The following CDK14 variants were observed in gnomAD, a reference collection of about 807,000 sequenced individuals.
CDK14 encodes cyclin dependent kinase 14.
A neutral mutation model predicts 60.7 loss-of-function variants in CDK14; 34 were observed. The observed-to-expected ratio is 0.56, with a 90% CI of 0.43 to 0.75. The LOEUF (loss-of-function observed/expected upper bound fraction) is 0.75, where lower values mean the gene tolerates loss of function less well. CDK14 is among the 30% of genes least tolerant of loss of function. The pLI, the probability that CDK14 is intolerant of heterozygous loss-of-function variation, is 0.00. For synonymous variants in CDK14, 197 were observed against 203.7 expected (o/e 0.97, Z 0.28); for missense variants, 482 against 564.1 (o/e 0.85, Z 1.47).
chr7:90,599,193 T>C (rs972660187), intron 1 of CDK14, among the ~76,000 whole-genome samples: 2 of 152,248 alleles, frequency 1.3e-5, no homozygotes, highest in Admixed American at 6.5e-5. Flanking sequence ...TTGTTGGCTT[T>C]TAGTGAAATA....
chr7:90,703,344 C>T (rs928388749), intron 2 of CDK14, among the ~76,000 whole-genome samples: 9 of 152,202 alleles, frequency 5.9e-5, no homozygotes, highest in East Asian at 5.8e-4. Flanking sequence ...CTTTTACATC[C>T]GGATCTTCTC....
chr7:90,663,704 G>C (rs1800910723), intron 2 of CDK14, among the ~76,000 whole-genome samples: 2 of 152,018 alleles, frequency 1.3e-5, no homozygotes, highest in Admixed American at 1.3e-4. Flanking sequence ...TCCTTTTAAT[G>C]GTTCAAGAGC....
chr7:91,129,281 A>C (rs1326416969), intron 14 of CDK14, among the ~76,000 whole-genome samples: 1 of 152,228 alleles, frequency 6.6e-6, no homozygotes, highest in Admixed American at 6.5e-5. Context: ...CAAAGCAGTG[A>C]CACTCTAAAC....
intron 6 of CDK14, among the ~76,000 whole-genome samples, chr7:90,880,862 A>G (rs1791726652): frequency 1.3e-5 from 2 of 152,326 alleles, no homozygotes; most frequent in African/African-American, 2.4e-5. Flanking sequence ...GACTACTGAA[A>G]GAAAAACAAG....
At chr7:90,715,369 A>G (rs1802211803) in intron 2 of CDK14, among the ~76,000 whole-genome samples, 1 of 152,054 alleles carries the variant, frequency 6.6e-6, no homozygotes, top group Non-Finnish European at 1.5e-5. Flanking sequence ...GTCCTGGACC[A>G]TATTATTGAT....
At chr7:90,771,229 C>T (rs1557653) in intron 4 of CDK14, among the ~76,000 whole-genome samples, 66,173 of 152,056 alleles carry the variant, frequency 0.44, 15,202 homozygotes, top group East Asian at 0.82. Context: ...AAACAAGGAT[C>T]GGAATAATTT....
At chr7:90,988,115 G>A (rs373030257) in intron 10 of CDK14, among the ~76,000 whole-genome samples, 102 of 152,194 alleles carry the variant, frequency 6.7e-4, no homozygotes, top group African/African-American at 2.2e-3. Flanking sequence ...GTTAGTAAAA[G>A]TCTTTATGTT....
chr7:90,817,307 A>C (rs1482015578), intron 5 of CDK14, among the ~76,000 whole-genome samples: 1 of 152,190 alleles, frequency 6.6e-6, no homozygotes, highest in African/African-American at 2.4e-5. Flanking sequence ...CCTTGAGTAT[A>C]CCCGTAAGAA....
At chr7:91,112,481 A>G (rs749761104) in intron 12 of CDK14, 61 bp from the exon 13 acceptor site, 3 of 1,542,684 alleles carry the variant, frequency 1.9e-6, no homozygotes, top group Non-Finnish European at 2.6e-6. Flanking sequence ...GGTAAGCTTT[A>G]TGTCTTATTT....
At chr7:91,157,992 G>A (rs1052983867) in intron 14 of CDK14, among the ~76,000 whole-genome samples, 2 of 151,318 alleles carry the variant, frequency 1.3e-5, no homozygotes, top group Non-Finnish European at 2.9e-5. Context: ...TCAAAGCCAT[G>A]ATGAGTTTCA....
chr7:91,031,238 G>A (rs1796750353), intron 10 of CDK14, among the ~76,000 whole-genome samples: 1 of 152,154 alleles, frequency 6.6e-6, no homozygotes, highest in South Asian at 2.1e-4. Context: ...ACAATAAGAT[G>A]ATTGCTGCTA....
chr7:91,137,963 A>G (rs901251589), intron 14 of CDK14, among the ~76,000 whole-genome samples: 2 of 152,182 alleles, frequency 1.3e-5, no homozygotes, highest in Admixed American at 1.3e-4. Flanking sequence ...TGGACAGTGG[A>G]TAATTATTGC....
chr7:91,149,123 T>C (rs1237114086), intron 14 of CDK14, among the ~76,000 whole-genome samples: 2 of 152,208 alleles, frequency 1.3e-5, no homozygotes, highest in Non-Finnish European at 2.9e-5. Context: ...CATATCAAGA[T>C]ACTGAGTACA....
At chr7:90,629,435 T>A (rs1440952544) in intron 2 of CDK14, among the ~76,000 whole-genome samples, 2 of 152,182 alleles carry the variant, frequency 1.3e-5, no homozygotes, top group Non-Finnish European at 1.5e-5. Context: ...TAGCACTGGG[T>A]CTGGTGTCTG....
intron 2 of CDK14, among the ~76,000 whole-genome samples, chr7:90,680,718 G>A (rs10260970): frequency 2.8e-4 from 43 of 152,284 alleles, no homozygotes; most frequent in African/African-American, 9.6e-4. Flanking sequence ...GTGTTTGGGC[G>A]CTTTTGTTCC....
chr7:91,185,974 G>T (rs1802165561), intron 14 of CDK14, among the ~76,000 whole-genome samples: 1 of 152,044 alleles, frequency 6.6e-6, no homozygotes, highest in East Asian at 1.9e-4. Flanking sequence ...ACCAATTTTG[G>T]ACACTTCATA....
intron 5 of CDK14, among the ~76,000 whole-genome samples, chr7:90,805,270 AGTT>A (rs1340622792): frequency 1.3e-5 from 2 of 152,152 alleles, no homozygotes; most frequent in African/African-American, 4.8e-5. Flanking sequence ...GGTATCTTAA[AGTT>A]CAGTTTGACA....
At chr7:90,611,788 T>G (rs1799542441) in intron 2 of CDK14, among the ~76,000 whole-genome samples, 1 of 152,048 alleles carries the variant, frequency 6.6e-6, no homozygotes, top group Non-Finnish European at 1.5e-5. Flanking sequence ...ACGATCTATC[T>G]CTTTCGTACC....
chr7:90,659,875 CTGTGTGTG>C (rs149308809), intron 2 of CDK14, among the ~76,000 whole-genome samples: 2 of 128,976 alleles, frequency 1.6e-5, no homozygotes, highest in Non-Finnish European at 3.3e-5. Context: ...CTCTCTCTCT[CTGTGTGTG>C]TGTGTGTGTG....
Sources: gnomAD v4.1 joint callset for allele counts (sites outside exome capture counted in the v4.1 genomes callset) on GRCh38, gnomAD v4.1.1 for gene constraint, MANE v1.5 for transcripts, NCBI Gene and HGNC (gene_info 2026-07-23, HGNC 2026-07-21) for gene names.